ANKS1A: variants seen among roughly 807,000 people sequenced by gnomAD.
ANKS1A encodes ankyrin repeat and SAM domain-containing protein 1A.
In ANKS1A, 55 loss-of-function variants were observed where a neutral mutation model predicts 120.3. The ratio of observed to expected loss-of-function variants is 0.46; its 90% CI spans 0.37 to 0.57. The LOEUF (loss-of-function observed/expected upper bound fraction) is 0.57, where lower values mean the gene tolerates loss of function less well. Ranked by LOEUF, ANKS1A falls within the 20% of genes least tolerant of loss-of-function variation. ANKS1A has a pLI of 0.00. For missense variants in ANKS1A, 1,123 were observed against 1,480.3 expected (o/e 0.76, Z 3.96); for synonymous variants, 590 against 604.7 (o/e 0.98, Z 0.36).
Position 35,088,961 on chromosome 6 carries a change from C to A in ANKS1A, c.*352C>A, listed in dbSNP as rs1778151556. 23 of 1,245,610 alleles carry A rather than the reference C, an allele frequency of 1.8e-5. No homozygotes were observed. Among genetic ancestry groups the A allele is most frequent in the Non-Finnish European group, 2.2e-5 (22 of 982,324 alleles). 77.2% of individuals were successfully genotyped at this position (1,245,610 alleles called of 1,614,324 possible). A position where few individuals can be genotyped will look rare whatever the true frequency, so the allele number is the denominator to read the frequency against. On this transcript the variant is annotated 3_prime_UTR_variant, in exon 24 of 24. Coordinates refer to ENST00000360359, the MANE Select transcript of ANKS1A (RefSeq NM_015245.3). ...CTAGGTCATACTGCCAATCTTTAGACAAATGGCCATGGGGCAGAGGACAGG... is the reference window on the plus strand; with the variant it reads ...CTAGGTCATACTGCCAATCTTTAGAAAAATGGCCATGGGGCAGAGGACAGG...
Position 35,084,386 on chromosome 6 carries a change from T to C in ANKS1A, c.3132+128T>C, listed in dbSNP as rs1777854130. 1.1e-5 allele frequency: 14 copies of C among 1,326,728 alleles called. No homozygotes were observed. Among genetic ancestry groups the C allele is most frequent in the Non-Finnish European group, 1.3e-5 (13 of 991,246 alleles). The allele number at this position is 1,326,728 out of a possible 1,614,324, so 82.2% of individuals were successfully genotyped here. On this transcript the variant is annotated intron_variant, in intron 21 of 23. Transcript: ENST00000360359. The surrounding 1 kb of genome is among the most constrained non-coding windows in gnomAD (Gnocchi z 4.8). The stretch of plus-strand genomic sequence containing the variant: ...CAGTGCCTGGCAAATGTTTGGTTCA[T>C]GAATGGAGCCCAGCAGCACTCAGGC...
chr6:34,960,895 A>C (rs1770603470), intron 1 of ANKS1A, among the ~76,000 whole-genome samples: 1 of 152,222 alleles, frequency 6.6e-6, no homozygotes, highest in African/African-American at 2.4e-5. Context: ...TGGAAAATCA[A>C]GTGAATTGTC....
chr6:35,056,347 G>A (rs543816495), intron 12 of ANKS1A, among the ~76,000 whole-genome samples: 4 of 152,296 alleles, frequency 2.6e-5, no homozygotes, highest in African/African-American at 7.2e-5. Flanking sequence ...GGAGTGCAGC[G>A]CGGTGATCTC....
chr6:34,903,965 C>T (rs1200429181), intron 1 of ANKS1A, among the ~76,000 whole-genome samples: 1 of 152,184 alleles, frequency 6.6e-6, no homozygotes, highest in Non-Finnish European at 1.5e-5. Flanking sequence ...GCTGGGATTA[C>T]AGCACTGGCT....
chr6:34,889,437 G>C lies in ANKS1A; in HGVS notation c.35G>C (p.Arg12Pro). 7.8e-7 allele frequency: 1 copy of C among 1,286,418 alleles called. No homozygotes were observed. The highest frequency in any genetic ancestry group is 2.9e-5 in the South Asian group (1 of 34,182). 79.7% of individuals were successfully genotyped at this position (1,286,418 alleles called of 1,614,324 possible). A position where few individuals can be genotyped will look rare whatever the true frequency, so the allele number is the denominator to read the frequency against. The change falls in exon 1 of 24, where the codon CGC becomes CCC. Residue 12 changes from arginine to proline, a missense_variant. Around this residue, in one of 3 missense-constraint regions of ANKS1A, gnomAD observed 73 missense variants for 82.2 expected, o/e 0.89. Transcript: ENST00000360359. This position sits in a 1 kb window ranked among gnomAD's most constrained non-coding sequence, Gnocchi z 5.5. ...GAGCAGGAGCTGCTGGAGGCGGCCC[G>C]CACCGGGCACCTCCCGGCGGTGGAG... is the stretch of plus-strand genomic sequence containing the variant. ...GKEQELLEAA[R>P]TGHLPAVEKL... is the part of the protein sequence containing the mutation.
chr6:35,047,974 C>T (rs1053198578), intron 11 of ANKS1A, among the ~76,000 whole-genome samples: 4 of 152,084 alleles, frequency 2.6e-5, no homozygotes, highest in South Asian at 2.1e-4. Context: ...CTGGTAGTTG[C>T]GGGGTGTGAG....
At chr6:34,910,983 C>T (rs1767882949) in intron 1 of ANKS1A, among the ~76,000 whole-genome samples, 1 of 151,928 alleles carries the variant, frequency 6.6e-6, no homozygotes, top group Admixed American at 6.6e-5. Context: ...TAAGGGATAA[C>T]TGAAATGAAA....
At position 35,044,371 on chromosome 6, in the gene ANKS1A, C is replaced by T. The variant is rs920732613; in HGVS notation, c.2011-9728C>T. 2.0e-5 allele frequency among the ~76,000 whole-genome samples: 3 copies of T among 152,356 alleles called. No individual in the cohort carries two copies. The highest frequency in any genetic ancestry group is 4.8e-5 in the African/African-American group (2 of 41,594). On this transcript the variant is annotated intron_variant, in intron 11 of 23. Transcript: ENST00000360359. The surrounding 1 kb of genome is among the most constrained non-coding windows in gnomAD (Gnocchi z 4.4). ...AGAACAAGTTCCTTGCTCACAGCCG[C>T]GTTGCTGAAAGCGGCAAAGCTGATT...
chr6:34,982,054 C>A lies in ANKS1A; in HGVS notation c.732+68C>A. On this transcript the variant is annotated intron_variant, in intron 4 of 23. Coordinates refer to ENST00000360359, the MANE Select transcript of ANKS1A (RefSeq NM_015245.3). The surrounding 1 kb of genome is among the most constrained non-coding windows in gnomAD (Gnocchi z 4.9). ...GTCATTTTGCAGAAGGCACAAGGAC[C>A]ATGCTGCTGGGCTGTGCTCTTTATT... 1 of 1,563,086 alleles carries A rather than the reference C, an allele frequency of 6.4e-7. No homozygotes were observed. The highest frequency in any genetic ancestry group is 1.2e-5 in the South Asian group (1 of 84,744).
chr6:35,014,827 A>G (rs986496580), intron 10 of ANKS1A, among the ~76,000 whole-genome samples: 2 of 152,210 alleles, frequency 1.3e-5, no homozygotes, highest in Admixed American at 6.5e-5. Flanking sequence ...GAAGTCGGCT[A>G]TTAGAATGTG....
At position 34,981,725 on chromosome 6, in the gene ANKS1A, G is replaced by A. The variant is rs575197928; in HGVS notation, c.471G>A (p.Ala157=). The change falls in exon 4 of 24, where the codon GCG becomes GCA. Residue 157 remains alanine (A), a synonymous_variant. Transcript: ENST00000360359. Reference sequence around the variant, plus strand: ...ACGAGACAGCCCTGCATTGTGCAGCGCAGTATGGCCACACAGAGGTGGTGA... The same window carrying A: ...ACGAGACAGCCCTGCATTGTGCAGCACAGTATGGCCACACAGAGGTGGTGA... The part of the protein sequence containing the change: ...NDNETALHCA[A]QYGHTEVVKV... 2.0e-5 allele frequency: 32 copies of A among 1,614,194 alleles called. No individual in the cohort carries two copies. Among genetic ancestry groups the A allele is most frequent in the Admixed American group, 1.3e-4 (8 of 60,028 alleles).
At chr6:34,972,628 T>C (rs769629640) in intron 3 of ANKS1A, 160 of 985,248 alleles carry the variant, frequency 1.6e-4, no homozygotes, top group Non-Finnish European at 1.8e-4. Flanking sequence ...CCTTTGACCC[T>C]TATATCAATG....
chr6:34,980,957 C>T (rs1000325217), intron 3 of ANKS1A, among the ~76,000 whole-genome samples: 2 of 152,136 alleles, frequency 1.3e-5, no homozygotes, highest in African/African-American at 4.8e-5. Flanking sequence ...CAAAACATGC[C>T]AGCGTTTGCC....
chr6:34,906,738 A>G (rs890288936), intron 1 of ANKS1A, among the ~76,000 whole-genome samples: 6 of 152,258 alleles, frequency 3.9e-5, no homozygotes, highest in African/African-American at 1.4e-4. Flanking sequence ...GCTTCAAAGT[A>G]TCTTCCCCAG....
chr6:35,049,694 C>T (rs768633122), intron 11 of ANKS1A, among the ~76,000 whole-genome samples: 7 of 152,194 alleles, frequency 4.6e-5, no homozygotes, highest in Non-Finnish European at 7.3e-5. Flanking sequence ...AAACTTCTCT[C>T]GTGCTCCCAT....
At chr6:34,895,223 A>C (rs1446521018) in intron 1 of ANKS1A, among the ~76,000 whole-genome samples, 1 of 151,384 alleles carries the variant, frequency 6.6e-6, no homozygotes, top group Non-Finnish European at 1.5e-5. Context: ...TTAAAAAAAA[A>C]AATTTAAGAG....
At position 35,084,123 on chromosome 6, in the gene ANKS1A, C is replaced by T. The variant is rs780037329; in HGVS notation, c.2997C>T (p.Asn999=). ...GVKFIDASNK[N]VIAEHEIRNI... Reference sequence around the variant, plus strand: ...CAGAACACGGCTTTCCCCAGCAGAACGTCATTGCAGAGCACGAGATCCGGA... The same window carrying T: ...CAGAACACGGCTTTCCCCAGCAGAATGTCATTGCAGAGCACGAGATCCGGA... The change falls in exon 21 of 24, where the codon AAC becomes AAT. Residue 999 remains asparagine, a splice_region_variant and synonymous_variant. Transcript: ENST00000360359. This position sits in a 1 kb window ranked among gnomAD's most constrained non-coding sequence, Gnocchi z 4.8. The T allele has an allele frequency of 8.1e-6, 13 of 1,614,076 alleles. No homozygotes were observed. The Middle Eastern group carries it at 6.6e-4, about 82-fold the overall frequency.
At position 35,091,358 on chromosome 6, in the gene ANKS1A, C is replaced by CACA; in HGVS notation, c.*2752_*2754dup. 1.0e-6 allele frequency: 1 copy of CACA among 985,524 alleles called. No homozygotes were observed. Among genetic ancestry groups the CACA allele is most frequent in the African/African-American group, 1.7e-5 (1 of 57,336 alleles). The allele number at this position is 985,524 out of a possible 1,614,324, so 61.0% of individuals were successfully genotyped here. On this transcript the variant is annotated 3_prime_UTR_variant, in exon 24 of 24. Transcript: ENST00000360359. ...TGGTTTTGTTATTTTCATAACTGTA[C>CACA]ACAACTTAGAACAGACTGAATTAAT...
intron 17 of ANKS1A, 145 bp downstream of exon 17, chr6:35,081,303 C>A: frequency 8.8e-7 from 1 of 1,135,788 alleles, no homozygotes; most frequent in Non-Finnish European, 1.2e-6. Flanking sequence ...CTCTGCTCGC[C>A]CACACCCAGC....
Sources: allele counts gnomAD v4.1 joint callset (sites outside exome capture counted in the v4.1 genomes callset), GRCh38; gene constraint gnomAD v4.1.1; regional missense constraint gnomAD v4.1.1; non-coding constraint Gnocchi (gnomAD v3.1); transcripts MANE v1.5; gene names NCBI Gene and HGNC (gene_info 2026-07-23, HGNC 2026-07-21).